EYS: variants seen among roughly 807,000 people sequenced by gnomAD.
The protein encoded by EYS is EGF-like photoreceptor maintenance factor, also known as protein eyes shut homolog.
In EYS, 250 loss-of-function variants were observed where a neutral mutation model predicts 282.1. The ratio of observed to expected loss-of-function variants is 0.89; its 90% CI spans 0.80 to 0.98. The LOEUF is 0.98. EYS is among the 50% of genes least tolerant of loss of function. EYS has a pLI of 0.00. For synonymous variants in EYS, 1,355 were observed against 1,282.9 expected, an observed-to-expected ratio of 1.06 and a Z score of -1.20; for missense variants, 4,016 against 3,709.0, an observed-to-expected ratio of 1.08 and a Z score of -2.15.
At chr6:64,997,840 G>A (rs919629828) in intron 13 of EYS, 137 bp from the exon 14 acceptor site, 8 of 673,710 alleles carry the variant, frequency 1.2e-5, no homozygotes, top group East Asian at 6.2e-5. Flanking sequence ...ATATTTAATC[G>A]ATTACATAGT....
chr6:64,622,846 T>C (rs1348205062), intron 23 of EYS, among the ~76,000 whole-genome samples: 2 of 152,140 alleles, frequency 1.3e-5, no homozygotes, highest in Non-Finnish European at 2.9e-5. Flanking sequence ...TTCAAAATTA[T>C]TTGAGGCTTT....
chr6:65,663,794 C>A (rs1272212443), intron 1 of EYS, among the ~76,000 whole-genome samples: 1 of 151,506 alleles, frequency 6.6e-6, no homozygotes, highest in Admixed American at 6.6e-5. Context: ...CCATTTCCTG[C>A]CTCAGCCTCC....
chr6:65,008,933 C>T (rs190357686), intron 13 of EYS, among the ~76,000 whole-genome samples: 1 of 152,172 alleles, frequency 6.6e-6, no homozygotes, highest in Non-Finnish European at 1.5e-5. Context: ...TCACTAGATA[C>T]TTCTCCCAGC....
intron 26 of EYS, among the ~76,000 whole-genome samples, chr6:64,587,833 A>G (rs948479454): frequency 6.6e-6 from 1 of 152,080 alleles, no homozygotes; most frequent in Non-Finnish European, 1.5e-5. Flanking sequence ...AAAGAAAGAC[A>G]TATGGATTAA....
intron 28 of EYS, among the ~76,000 whole-genome samples, chr6:64,426,918 A>G (rs975851931): frequency 1.3e-5 from 2 of 152,164 alleles, no homozygotes; most frequent in East Asian, 3.8e-4. Context: ...TTAGTCAATT[A>G]TATATGAGAA....
At chr6:64,392,209 C>T (rs1773178778) in intron 28 of EYS, among the ~76,000 whole-genome samples, 1 of 149,810 alleles carries the variant, frequency 6.7e-6, no homozygotes, top group Non-Finnish European at 1.5e-5. Context: ...CAACATTAGA[C>T]AGATCAACGA....
chr6:65,694,213 G>C (rs1769350042), intron 1 of EYS, among the ~76,000 whole-genome samples: 1 of 150,024 alleles, frequency 6.7e-6, no homozygotes, highest in Non-Finnish European at 1.5e-5. Context: ...AGCCAAGATT[G>C]TGCCATTGCA....
At chr6:64,220,292 C>G (rs542687067) in intron 31 of EYS, among the ~76,000 whole-genome samples, 29 of 152,260 alleles carry the variant, frequency 1.9e-4, no homozygotes, top group African/African-American at 6.5e-4. Flanking sequence ...GGTTTGTTGA[C>G]CCCACAAATT....
chr6:65,013,105 G>T (rs961082190), intron 13 of EYS, among the ~76,000 whole-genome samples: 1 of 152,104 alleles, frequency 6.6e-6, no homozygotes, highest in Non-Finnish European at 1.5e-5. Context: ...TTAATGAAAA[G>T]TTCCCATGCA....
chr6:64,366,611 A>C (rs542695834), intron 29 of EYS, among the ~76,000 whole-genome samples: 1 of 152,194 alleles, frequency 6.6e-6, no homozygotes, highest in South Asian at 2.1e-4. Context: ...TTTGGGGACC[A>C]GGTATTGGGT....
intron 33 of EYS, among the ~76,000 whole-genome samples, chr6:64,015,071 T>C (rs1196828263): frequency 6.6e-6 from 1 of 152,182 alleles, no homozygotes; most frequent in Non-Finnish European, 1.5e-5. Flanking sequence ...TTCTTATAAA[T>C]AGCTTCCACA....
intron 33 of EYS, among the ~76,000 whole-genome samples, chr6:64,010,403 G>T (rs927608112): frequency 2.0e-5 from 3 of 150,036 alleles, no homozygotes; most frequent in Admixed American, 6.6e-5. Flanking sequence ...TGGGGGGGGG[G>T]GTGGTGGTGT....
intron 36 of EYS, among the ~76,000 whole-genome samples, chr6:63,837,696 C>A (rs967224701): frequency 2.0e-5 from 3 of 152,020 alleles, no homozygotes; most frequent in Non-Finnish European, 4.4e-5. Context: ...GTGTAACTAT[C>A]GTCCAAATTA....
At chr6:64,738,001 C>T (rs1772237870) in intron 22 of EYS, among the ~76,000 whole-genome samples, 1 of 152,168 alleles carries the variant, frequency 6.6e-6, no homozygotes, top group South Asian at 2.1e-4. Flanking sequence ...TATAGTCTTT[C>T]TTTAGCTTAT....
chr6:64,433,294 T>A (rs937290211), intron 28 of EYS, among the ~76,000 whole-genome samples: 1 of 152,002 alleles, frequency 6.6e-6, no homozygotes, highest in Non-Finnish European at 1.5e-5. Flanking sequence ...AAACTGGGGG[T>A]GAATTGTGTG....
intron 12 of EYS, among the ~76,000 whole-genome samples, chr6:65,261,626 G>T (rs1384646978): frequency 6.6e-6 from 1 of 152,000 alleles, no homozygotes; most frequent in Non-Finnish European, 1.5e-5. Context: ...TAAGAAGATT[G>T]TCATTTGTCT....
At chr6:64,557,193 CACACACAGAT>C (rs1441004056) in intron 26 of EYS, among the ~76,000 whole-genome samples, 1 of 136,682 alleles carries the variant, frequency 7.3e-6, no homozygotes, top group African/African-American at 2.8e-5. Flanking sequence ...ATTTGGAAAA[CACACACAGAT>C]ACACACACAC....
intron 35 of EYS, among the ~76,000 whole-genome samples, chr6:63,943,627 C>T (rs751994637): frequency 4.4e-4 from 67 of 152,110 alleles, no homozygotes; most frequent in Admixed American, 7.2e-4. Flanking sequence ...AGACCAAAAA[C>T]GGTGTTTAGT....
chr6:64,341,323 T>C (rs546587461), intron 29 of EYS, among the ~76,000 whole-genome samples: 7 of 151,662 alleles, frequency 4.6e-5, no homozygotes, highest in Non-Finnish European at 8.9e-5. Context: ...ATTGGATAAA[T>C]AAAATGCTGT....
Sources: gnomAD v4.1 joint callset for allele counts (sites outside exome capture counted in the v4.1 genomes callset) on GRCh38, gnomAD v4.1.1 for gene constraint, MANE v1.5 for transcripts, NCBI Gene and HGNC (gene_info 2026-07-23, HGNC 2026-07-21) for gene names.